Variants in TNRC6A observed in about 807,000 individuals in gnomAD.
The protein encoded by TNRC6A is trinucleotide repeat containing adaptor 6A.
Under a neutral mutation model 221.2 loss-of-function variants are expected in TNRC6A, and 44 were observed. The ratio of observed to expected loss-of-function variants is 0.20; its 90% CI spans 0.16 to 0.26. The LOEUF (loss-of-function observed/expected upper bound fraction) is 0.26. TNRC6A is among the 10% of genes least tolerant of loss of function. The pLI is 1.00. For synonymous variants in TNRC6A, 847 were observed against 838.5 expected (o/e 1.01, Z -0.18); for missense variants, 2,199 against 2,404.4 (o/e 0.91, Z 1.79).
intron 2 of TNRC6A, among the ~76,000 whole-genome samples, chr16:24,713,158 C>A (rs1396291520): frequency 6.6e-6 from 1 of 152,084 alleles, no homozygotes; most frequent in Non-Finnish European, 1.5e-5. Flanking sequence ...GTGGCTCTTG[C>A]CTGTAGTCCC....
At chr16:24,671,584 G>A (rs1438702882) in intron 2 of TNRC6A, among the ~76,000 whole-genome samples, 1 of 152,238 alleles carries the variant, frequency 6.6e-6, no homozygotes, top group African/African-American at 2.4e-5. Flanking sequence ...TGGTACCCAT[G>A]TGGTGGCTAC....
chr16:24,651,009 C>T (rs1013233861), intron 2 of TNRC6A, among the ~76,000 whole-genome samples: 2 of 152,248 alleles, frequency 1.3e-5, no homozygotes, highest in Non-Finnish European at 2.9e-5. Context: ...AACAGTGTAG[C>T]TCCGTGTAGA....
intron 18 of TNRC6A, among the ~76,000 whole-genome samples, chr16:24,813,570 C>T (rs1367910136): frequency 1.3e-5 from 2 of 152,204 alleles, no homozygotes; most frequent in Admixed American, 1.3e-4. Context: ...GCATCTCAGG[C>T]ACTTAGGTGC....
chr16:24,754,390 A>G (rs918405156), intron 3 of TNRC6A, among the ~76,000 whole-genome samples: 4 of 152,192 alleles, frequency 2.6e-5, no homozygotes, highest in East Asian at 1.9e-4. Context: ...ATACATTTCT[A>G]ATTAATATGG....
At position 24,663,223 on chromosome 16, in the gene TNRC6A, G is replaced by A. The variant is rs117324209; in HGVS notation, n.402+22214G>A. Reference sequence around the variant, plus strand: ...ACTCAAAAAAGCTGTTGTATTCACAGTTACAGCTTAACACAGTGGAAGGAT... The same window carrying A: ...ACTCAAAAAAGCTGTTGTATTCACAATTACAGCTTAACACAGTGGAAGGAT... On this transcript the variant is annotated intron_variant and non_coding_transcript_variant, in intron 2 of 2. Transcript: ENST00000566108. The A allele has an allele frequency of 7.5e-3, 1,155 of 153,920 alleles. 7 individuals are homozygous for A. Among genetic ancestry groups the A allele is most frequent in the Non-Finnish European group, 0.012 (825 of 68,080 alleles). The allele number at this position is 153,920 out of a possible 1,614,324, so 9.5% of individuals were successfully genotyped here. A position where few individuals can be genotyped will look rare whatever the true frequency, so the allele number is the denominator to read the frequency against.
intron 2 of TNRC6A, among the ~76,000 whole-genome samples, chr16:24,658,697 C>CT (rs1016096943): frequency 2.0e-5 from 3 of 152,000 alleles, no homozygotes; most frequent in Admixed American, 6.6e-5. Flanking sequence ...CTTTCTTCCT[C>CT]TTTTTTTCCT....
intron 2 of TNRC6A, among the ~76,000 whole-genome samples, chr16:24,659,696 G>T (rs1030261463): frequency 1.3e-5 from 2 of 152,138 alleles, no homozygotes; most frequent in Non-Finnish European, 2.9e-5. Context: ...TCCTGTCTTG[G>T]CCTCCCAAAA....
chr16:24,752,236 A>G (rs772409731), intron 3 of TNRC6A, among the ~76,000 whole-genome samples: 1 of 152,208 alleles, frequency 6.6e-6, no homozygotes, highest in African/African-American at 2.4e-5. Context: ...TTTAAAGGAT[A>G]TAGAGGGAGA....
intron 19 of TNRC6A, 58 bp downstream of exon 19, chr16:24,815,363 A>G: frequency 6.3e-7 from 1 of 1,582,072 alleles, no homozygotes; most frequent in South Asian, 1.1e-5. Flanking sequence ...AGGTTTTGTT[A>G]CATCTGGACT....
At chr16:24,792,387 G>C (rs903582758) in intron 6 of TNRC6A, among the ~76,000 whole-genome samples, 1 of 151,982 alleles carries the variant, frequency 6.6e-6, no homozygotes, top group African/African-American at 2.4e-5. Flanking sequence ...TTTGTTAAGT[G>C]TGATTGGCTA....
chr16:24,782,693 G>T (rs564139251), intron 5 of TNRC6A, among the ~76,000 whole-genome samples: 20 of 152,062 alleles, frequency 1.3e-4, no homozygotes, highest in African/African-American at 4.6e-4. Context: ...CTGGCTAACA[G>T]GGTGAAACCC....
intron 2 of TNRC6A, among the ~76,000 whole-genome samples, chr16:24,744,203 A>C (rs780558516): frequency 6.6e-6 from 1 of 152,204 alleles, no homozygotes; most frequent in Non-Finnish European, 1.5e-5. Context: ...TTCTCAGTAC[A>C]TCATGTCAGG....
At chr16:24,630,519 C>CA (rs1325053006) in intron 1 of TNRC6A, among the ~76,000 whole-genome samples, 1 of 152,132 alleles carries the variant, frequency 6.6e-6, no homozygotes, top group Non-Finnish European at 1.5e-5. Flanking sequence ...ACAACAACAA[C>CA]AAAAAACATA....
At chr16:24,704,392 C>T (rs1413554906) in intron 2 of TNRC6A, among the ~76,000 whole-genome samples, 3 of 151,582 alleles carry the variant, frequency 2.0e-5, no homozygotes, top group African/African-American at 7.3e-5. Context: ...AAAATTATAA[C>T]ATTAAGGCCA....
intron 2 of TNRC6A, among the ~76,000 whole-genome samples, chr16:24,644,385 C>G (rs529944773): frequency 2.6e-5 from 4 of 152,150 alleles, no homozygotes; most frequent in African/African-American, 9.6e-5. Context: ...TCCTTAACCT[C>G]CTGGGCTCAA....
chr16:24,675,662 C>CTCTA (rs2055395688), intron 2 of TNRC6A, among the ~76,000 whole-genome samples: 2 of 41,038 alleles, frequency 4.9e-5, no homozygotes, highest in African/African-American at 2.1e-4. Flanking sequence ...GCCAGAGACT[C>CTCTA]TCTCTCTCTC....
At chr16:24,737,815 T>C (rs541783695) in intron 2 of TNRC6A, among the ~76,000 whole-genome samples, 1 of 151,472 alleles carries the variant, frequency 6.6e-6, no homozygotes, top group African/African-American at 2.4e-5. Context: ...TGGTCCCTTC[T>C]TTCTCCCATT....
At chr16:24,781,543 A>G (rs1416259725) in intron 5 of TNRC6A, among the ~76,000 whole-genome samples, 1 of 152,126 alleles carries the variant, frequency 6.6e-6, no homozygotes, top group Non-Finnish European at 1.5e-5. Context: ...GTCAAATGCA[A>G]ACCTTTTTGT....
At chr16:24,733,575 A>G (rs2056693704) in intron 2 of TNRC6A, among the ~76,000 whole-genome samples, 1 of 152,232 alleles carries the variant, frequency 6.6e-6, no homozygotes, top group Non-Finnish European at 1.5e-5. Context: ...CATTGTAAGA[A>G]CAACAACAGA....
Sources: allele counts gnomAD v4.1 joint callset (sites outside exome capture counted in the v4.1 genomes callset), GRCh38; gene constraint gnomAD v4.1.1; transcripts MANE v1.5; gene names NCBI Gene and HGNC (gene_info 2026-07-23, HGNC 2026-07-21).